DHRSX: variants seen among roughly 807,000 people sequenced by gnomAD.
DHRSX encodes the protein dehydrogenase/reductase X-linked, also known as polyprenol dehydrogenase.
In DHRSX, 31 loss-of-function variants were observed where a neutral mutation model predicts 34.0. The observed-to-expected ratio is 0.91, with a 90% CI of 0.69 to 1.23. The LOEUF (loss-of-function observed/expected upper bound fraction) is 1.23, where lower values mean the gene tolerates loss of function less well. Among genes scored for constraint, DHRSX ranks in the 50% most tolerant of loss-of-function variants. The pLI is 0.00. For missense variants in DHRSX, 414 were observed against 428.1 expected (o/e 0.97, Z 0.29); for synonymous variants, 201 against 183.8 (o/e 1.09, Z -0.76).
intron 3 of DHRSX, among the ~76,000 whole-genome samples, chrX:2,316,677 T>C (rs2042244862): frequency 6.6e-6 from 1 of 152,190 alleles, no homozygotes; most frequent in Admixed American, 6.6e-5. Flanking sequence ...GCACAGATGA[T>C]CTCTCCTTTG....
intron 5 of DHRSX, among the ~76,000 whole-genome samples, chrX:2,253,238 C>G (rs1382399266): frequency 2.0e-5 from 3 of 150,904 alleles, no homozygotes; most frequent in Non-Finnish European, 3.0e-5. Context: ...GCCAAGATGG[C>G]GCCACGGCAC....
intron 1 of DHRSX, among the ~76,000 whole-genome samples, chrX:2,481,643 G>A (rs2044773220): frequency 6.6e-6 from 1 of 151,994 alleles, no homozygotes; most frequent in African/African-American, 2.4e-5. Flanking sequence ...TCCAGCCTGG[G>A]CAACAAGAGT....
chrX:2,222,995 C>T (rs1423520355), intron 6 of DHRSX, among the ~76,000 whole-genome samples: 1 of 152,142 alleles, frequency 6.6e-6, no homozygotes, highest in Non-Finnish European at 1.5e-5. Context: ...CTCTGCTCTT[C>T]TGCTGCCTAA....
intron 3 of DHRSX, among the ~76,000 whole-genome samples, chrX:2,402,886 T>C (rs1270155479): frequency 7.4e-6 from 1 of 134,554 alleles, no homozygotes; most frequent in Non-Finnish European, 1.6e-5. Context: ...TTGGTTTCTT[T>C]TTTTTTTTTT....
intron 2 of DHRSX, among the ~76,000 whole-genome samples, chrX:2,409,313 T>A (rs2043597149): frequency 6.6e-6 from 1 of 152,178 alleles, no homozygotes; most frequent in South Asian, 2.1e-4. Context: ...CTGGGGCACA[T>A]GTGCGGAATG....
chrX:2,310,890 G>A (rs759033773), intron 3 of DHRSX, among the ~76,000 whole-genome samples: 31 of 151,888 alleles, frequency 2.0e-4, no homozygotes, highest in Admixed American at 1.3e-3. Flanking sequence ...GTGAAACCCC[G>A]TCTCTACTAA....
Position 2,472,567 on chromosome X carries a change from C to G in DHRSX, c.109+28250G>C, listed in dbSNP as rs147424867. On this transcript the variant is annotated intron_variant, in intron 1 of 6. Transcript: ENST00000334651. ...GGTGGATCACTTGAGGCCAGGAGTT[C>G]GAGACCACCCTGACCAATATGGTGA... Among the ~76,000 whole-genome samples the G allele has an allele frequency of 3.4e-3, 524 of 152,102 alleles. 9 individuals carry two copies. Among genetic ancestry groups the G allele is most frequent in the African/African-American group, 0.011 (460 of 41,504 alleles).
At chrX:2,420,849 A>G (rs2043770979) in intron 2 of DHRSX, among the ~76,000 whole-genome samples, 2 of 152,284 alleles carry the variant, frequency 1.3e-5, no homozygotes, top group African/African-American at 4.8e-5. Flanking sequence ...ATATAGACCA[A>G]AAAGTGCTCA....
At chrX:2,494,907 A>C (rs2045244191) in intron 1 of DHRSX, among the ~76,000 whole-genome samples, 1 of 151,844 alleles carries the variant, frequency 6.6e-6, no homozygotes, top group Non-Finnish European at 1.5e-5. Context: ...TTCTATTATT[A>C]TTCTTATTTG....
chrX:2,242,523 T>C lies in DHRSX; in HGVS notation c.804+500A>G, dbSNP rs191833448. On this transcript the variant is annotated intron_variant, in intron 6 of 6. Transcript: ENST00000334651. The stretch of plus-strand genomic sequence containing the variant: ...GGGCTGCATTCCCAGGCGGTTAAGG[T>C]ATGCTAAGTCGCAGGATGAGATAAG... Among the ~76,000 whole-genome samples the C allele has an allele frequency of 1.3e-3, 203 of 152,100 alleles. 4 individuals carry two copies. In the East Asian group the frequency reaches 0.032, roughly 24 times the overall value.
At chrX:2,274,052 C>T (rs1361798181) in intron 4 of DHRSX, among the ~76,000 whole-genome samples, 3 of 152,046 alleles carry the variant, frequency 2.0e-5, no homozygotes, top group Admixed American at 2.0e-4. Context: ...ATTATTATTA[C>T]TTTGAGGTAA....
At chrX:2,433,468 C>T (rs770600905) in intron 1 of DHRSX, among the ~76,000 whole-genome samples, 62 of 151,984 alleles carry the variant, frequency 4.1e-4, no homozygotes, top group African/African-American at 1.4e-3. Context: ...ACATGTGCCA[C>T]GGTGGTTTGC....
chrX:2,339,850 G>C (rs2042618765), intron 3 of DHRSX, among the ~76,000 whole-genome samples: 1 of 152,038 alleles, frequency 6.6e-6, no homozygotes, highest in East Asian at 1.9e-4. Flanking sequence ...TGTCTTTATA[G>C]TAGAATGATT....
intron 3 of DHRSX, among the ~76,000 whole-genome samples, chrX:2,335,199 AG>A (rs2042540327): frequency 6.6e-6 from 1 of 151,326 alleles, no homozygotes; most frequent in Admixed American, 6.6e-5. Flanking sequence ...AAAAAAAAAA[AG>A]AAAAATTTAT....
intron 4 of DHRSX, among the ~76,000 whole-genome samples, chrX:2,276,495 A>G (rs1245532193): frequency 6.6e-6 from 1 of 152,190 alleles, no homozygotes; most frequent in Non-Finnish European, 1.5e-5. Context: ...CAGTAAAATT[A>G]TCGTCCATTG....
At chrX:2,263,642 T>C (rs2041395630) in intron 5 of DHRSX, among the ~76,000 whole-genome samples, 1 of 150,542 alleles carries the variant, frequency 6.6e-6, no homozygotes, top group Non-Finnish European at 1.5e-5. Context: ...GCCTCCCGAG[T>C]AGCTGGGATT....
At chrX:2,457,012 G>A (rs2044308223) in intron 1 of DHRSX, among the ~76,000 whole-genome samples, 1 of 152,090 alleles carries the variant, frequency 6.6e-6, no homozygotes, top group Non-Finnish European at 1.5e-5. Context: ...CACGTGCAGA[G>A]AGGAGCAGGC....
intron 2 of DHRSX, 33 bp from the exon 3 acceptor site, chrX:2,408,846 C>A: frequency 6.5e-7 from 1 of 1,537,134 alleles, no homozygotes; most frequent in Non-Finnish European, 8.9e-7. Flanking sequence ...GATACGGTGA[C>A]TTGTAGGATT....
At chrX:2,364,991 GCCT>G (rs2042980796) in intron 3 of DHRSX, among the ~76,000 whole-genome samples, 3 of 151,844 alleles carry the variant, frequency 2.0e-5, no homozygotes, top group African/African-American at 7.3e-5. Context: ...GCAAAATTTC[GCCT>G]CCTCAGGGAC....
Sources: allele counts gnomAD v4.1 joint callset (sites outside exome capture counted in the v4.1 genomes callset), GRCh38; gene constraint gnomAD v4.1.1; transcripts MANE v1.5; gene names NCBI Gene and HGNC (gene_info 2026-07-23, HGNC 2026-07-21).